PADI1: variants seen among roughly 807,000 people sequenced by gnomAD.
PADI1 encodes peptidyl arginine deiminase 1, also known as protein-arginine deiminase type-1.
In PADI1, 65 loss-of-function variants were observed where a neutral mutation model predicts 74.8. The ratio of observed to expected loss-of-function variants is 0.87; its 90% CI spans 0.71 to 1.07. The LOEUF (loss-of-function observed/expected upper bound fraction) is 1.07. Ranked by LOEUF, PADI1 falls within the 50% of genes least tolerant of loss-of-function variation. The pLI, the probability that PADI1 is intolerant of heterozygous loss-of-function variation, is 0.00. For synonymous variants in PADI1, 371 were observed against 336.2 expected (o/e 1.10, Z -1.13); for missense variants, 943 against 854.0 (o/e 1.10, Z -1.30).
chr1:17,236,531 G>A (rs755269787), intron 11 of PADI1, among the ~76,000 whole-genome samples: 2 of 152,138 alleles, frequency 1.3e-5, no homozygotes, highest in African/African-American at 4.8e-5. Context: ...GAGGTGGGGG[G>A]GTCGCTTGAA....
chr1:17,207,423 T>C (rs2071713080), intron 1 of PADI1, among the ~76,000 whole-genome samples: 1 of 152,074 alleles, frequency 6.6e-6, no homozygotes, highest in African/African-American at 2.4e-5. Context: ...CATCTGAAAA[T>C]GAAGAAACAA....
chr1:17,212,524 T>C (rs1417781180), intron 1 of PADI1, among the ~76,000 whole-genome samples: 1 of 151,960 alleles, frequency 6.6e-6, no homozygotes, highest in Non-Finnish European at 1.5e-5. Context: ...CCTCTGTGAC[T>C]GCTGTATTTC....
chr1:17,219,053 G>A (rs3003479), intron 1 of PADI1, among the ~76,000 whole-genome samples: 42,939 of 152,092 alleles, frequency 0.28, 7,307 homozygotes, highest in African/African-American at 0.46. Flanking sequence ...GTAGGAGCAC[G>A]AGCATGTCAC....
At chr1:17,212,589 C>T (rs1279368898) in intron 1 of PADI1, among the ~76,000 whole-genome samples, 1 of 152,192 alleles carries the variant, frequency 6.6e-6, no homozygotes. Context: ...TAAGATTTGG[C>T]CGGTGGAGCC....
At chr1:17,234,910 A>T (rs2100506829) in intron 11 of PADI1, among the ~76,000 whole-genome samples, 1 of 152,200 alleles carries the variant, frequency 6.6e-6, no homozygotes, top group African/African-American at 2.4e-5. Context: ...TGAGGCCAGG[A>T]GTTTGGGACC....
Position 17,224,364 on chromosome 1 carries a change from C to T in PADI1, c.347-3C>T. The T allele has an allele frequency of 6.2e-7, 1 of 1,613,426 alleles. No homozygotes were observed. The highest frequency in any genetic ancestry group is 1.1e-5 in the South Asian group (1 of 90,938). On this transcript the variant is annotated splice_polypyrimidine_tract_variant and splice_region_variant and intron_variant, in intron 3 of 15. Coordinates refer to ENST00000375471, the MANE Select transcript of PADI1 (RefSeq NM_013358.3). ...CTGGCAGCCCCTCTCCATCTCTTTG[C>T]AGATATTTCCCTTGAGGTTGACACA...
In PADI1 at chr1:17,205,857, T is replaced by C. The variant is rs572290463; in HGVS notation, c.92+548T>C. ...CCTGGAGCAAGACGGCTGGGACTTA[T>C]GTTTGCTGTGAGATGATGGTGATGA... On this transcript the variant is annotated intron_variant, in intron 1 of 15. Coordinates refer to ENST00000375471, the MANE Select transcript of PADI1 (RefSeq NM_013358.3). Among the ~76,000 whole-genome samples the C allele has an allele frequency of 6.4e-4, 98 of 152,270 alleles. 1 individual carries two copies. The highest frequency in any genetic ancestry group is 2.1e-4 in the South Asian group (1 of 4,826).
At chr1:17,223,418 A>C in intron 2 of PADI1, 1 of 577,756 alleles carries the variant, frequency 1.7e-6, no homozygotes, top group East Asian at 2.9e-5. Context: ...TCTGGGAACC[A>C]AGGTGGGCTC....
At chr1:17,226,364 G>C (rs909488609) in intron 6 of PADI1, among the ~76,000 whole-genome samples, 2 of 152,224 alleles carry the variant, frequency 1.3e-5, no homozygotes, top group Non-Finnish European at 2.9e-5. Flanking sequence ...CCGAGGCTCA[G>C]ATGCAGGAAT....
chr1:17,237,548 AC>A (rs2072675596), intron 12 of PADI1, 90 bp downstream of exon 12: 1 of 1,288,292 alleles, frequency 7.8e-7, no homozygotes, highest in Non-Finnish European at 1.1e-6. Context: ...AACCAGCTCA[AC>A]CCTGTGCCCC....
chr1:17,213,232 G>T (rs2071880981), intron 1 of PADI1, among the ~76,000 whole-genome samples: 1 of 91,188 alleles, frequency 1.1e-5, no homozygotes, highest in South Asian at 3.6e-4. Flanking sequence ...AGAAAAGAAA[G>T]CTGATCAGCT....
At chr1:17,230,372 G>T (rs1392508969) in intron 9 of PADI1, among the ~76,000 whole-genome samples, 164 bp downstream of exon 9, 3 of 152,210 alleles carry the variant, frequency 2.0e-5, no homozygotes, top group African/African-American at 7.2e-5. Flanking sequence ...AGCCTCCACT[G>T]CTTCCCTCCA....
At chr1:17,220,324 TG>T (rs1200633818) in intron 1 of PADI1, among the ~76,000 whole-genome samples, 1 of 152,104 alleles carries the variant, frequency 6.6e-6, no homozygotes, top group Non-Finnish European at 1.5e-5. Context: ...AGTTTTTTGA[TG>T]GGGCCAAGTG....
intron 1 of PADI1, among the ~76,000 whole-genome samples, chr1:17,221,963 C>T (rs2072163856): frequency 2.0e-5 from 3 of 152,126 alleles, no homozygotes; most frequent in South Asian, 4.1e-4. Flanking sequence ...GTGATCCAGG[C>T]GAGGGGTGAT....
rs773504805 is a variant in PADI1, at chr1:17,240,745, C to G, written c.1743C>G (p.Ala581=). 1.2e-6 allele frequency: 2 copies of G among 1,613,990 alleles called. No individual in the cohort carries two copies. The highest frequency in any genetic ancestry group is 4.5e-5 in the East Asian group (2 of 44,876). ...TCCTGAAAAACTTCTACGCGGAAGCCTTCTTCCCAGACATGGTGAGAGCCC... is the reference window on the plus strand; with the variant it reads ...TCCTGAAAAACTTCTACGCGGAAGCGTTCTTCCCAGACATGGTGAGAGCCC... ...LFFLKNFYAE[A]FFPDMVNMVV... The change falls in exon 15 of 16, where the codon GCC becomes GCG. Residue 581 remains alanine, a synonymous_variant. Coordinates refer to ENST00000375471, the MANE Select transcript of PADI1 (RefSeq NM_013358.3).
intron 1 of PADI1, among the ~76,000 whole-genome samples, chr1:17,212,591 G>T (rs2071863243): frequency 6.6e-6 from 1 of 152,222 alleles, no homozygotes; most frequent in African/African-American, 2.4e-5. Flanking sequence ...AGATTTGGCC[G>T]GTGGAGCCCC....
intron 1 of PADI1, 37 bp downstream of exon 1, chr1:17,205,346 C>G (rs1233372664): frequency 4.5e-6 from 7 of 1,556,614 alleles, no homozygotes; most frequent in Non-Finnish European, 5.3e-6. Context: ...CTGCAGAGAG[C>G]TGGGTTAGAG....
At chr1:17,207,962 C>A (rs891182688) in intron 1 of PADI1, among the ~76,000 whole-genome samples, 4 of 152,184 alleles carry the variant, frequency 2.6e-5, no homozygotes, top group African/African-American at 9.7e-5. Context: ...AATTGTCAAC[C>A]TGGGAAGGTT....
At chr1:17,239,910 T>C in intron 14 of PADI1, 127 bp downstream of exon 14, 2 of 728,528 alleles carry the variant, frequency 2.7e-6, no homozygotes, top group Non-Finnish European at 4.8e-6. Context: ...TGCTGGGGCC[T>C]GCAGGTGGGA....
Sources: allele counts gnomAD v4.1 joint callset (sites outside exome capture counted in the v4.1 genomes callset), GRCh38; gene constraint gnomAD v4.1.1; transcripts MANE v1.5; gene names NCBI Gene and HGNC (gene_info 2026-07-23, HGNC 2026-07-21).